UTRN: variants seen among roughly 807,000 people sequenced by gnomAD.
UTRN encodes the protein dystrophin-related protein 1.
UTRN carries 283 observed loss-of-function variants against 463.9 expected under a neutral mutation model. That is an observed-to-expected ratio of 0.61 (90% confidence interval 0.55 to 0.67). The LOEUF (loss-of-function observed/expected upper bound fraction) is 0.67. Ranked by LOEUF, UTRN falls within the 30% of genes least tolerant of loss-of-function variation. The pLI is 0.00. For missense variants in UTRN, 3,922 were observed against 4,084.3 expected (o/e 0.96, Z 1.08); for synonymous variants, 1,442 against 1,431.5 (o/e 1.01, Z -0.17).
chr6:144,327,458 T>C (rs1451758169), intron 2 of UTRN, among the ~76,000 whole-genome samples: 1 of 152,206 alleles, frequency 6.6e-6, no homozygotes, highest in Non-Finnish European at 1.5e-5. Flanking sequence ...TCTCTGAGCC[T>C]GTTTTCTGCT....
At chr6:144,457,707 T>C (rs1789001926) in intron 19 of UTRN, among the ~76,000 whole-genome samples, 1 of 152,226 alleles carries the variant, frequency 6.6e-6, no homozygotes, top group Non-Finnish European at 1.5e-5. Flanking sequence ...CCCTCATTTA[T>C]GATTTTCAGT....
At chr6:144,438,698 C>T (rs763908057) in intron 11 of UTRN, 47 bp from the exon 12 acceptor site, 1 of 1,604,166 alleles carries the variant, frequency 6.2e-7, no homozygotes, top group African/African-American at 1.3e-5. Flanking sequence ...TTTGACTTTG[C>T]AAAGGGAAAA....
intron 2 of UTRN, among the ~76,000 whole-genome samples, chr6:144,389,059 AG>A (rs1407018485): frequency 2.0e-5 from 3 of 152,184 alleles, no homozygotes; most frequent in African/African-American, 7.2e-5. Context: ...TATGTTCCCA[AG>A]GTGGTCAGAG....
In UTRN at chr6:144,474,704, G is replaced by A. The variant is rs1285724392; in HGVS notation, c.3281G>A (p.Trp1094Ter). The change falls in exon 25 of 75, where the codon TGG becomes TAG. Residue 1094 changes from tryptophan to a stop codon, truncating the protein, a stop_gained. Transcript: ENST00000367545. LOFTEE classifies it high-confidence loss of function. ...RSGPVAGIKTWVQTRLGDYQT... is the reference protein window; with the variant it reads ...RSGPVAGIKT ...GGTCCAGTTGCTGGAATAAAAACTT[G>A]GGTGCAGACAAGACTAGGTGACTAC... is the stretch of plus-strand genomic sequence containing the variant. 1 of 1,614,038 alleles carries A rather than the reference G, an allele frequency of 6.2e-7. No homozygotes were observed. The highest frequency in any genetic ancestry group is 8.5e-7 in the Non-Finnish European group (1 of 1,179,984).
chr6:144,774,372 A>T lies in UTRN; in HGVS notation c.8632+8A>T. 1.3e-6 allele frequency: 2 copies of T among 1,572,280 alleles called. No individual in the cohort carries two copies. The highest frequency in any genetic ancestry group is 1.7e-6 in the Non-Finnish European group (2 of 1,167,034). On this transcript the variant is annotated splice_region_variant and intron_variant, in intron 60 of 74. Coordinates refer to ENST00000367545, the MANE Select transcript of UTRN (RefSeq NM_007124.3). ...TACAAAAAGCACTATGTTGTGAGTT[A>T]TTCTACCAAAGTTAATCAATCTGTT...
At chr6:144,770,988 T>C (rs1793941819) in intron 58 of UTRN, among the ~76,000 whole-genome samples, 1 of 152,182 alleles carries the variant, frequency 6.6e-6, no homozygotes, top group African/African-American at 2.4e-5. Context: ...GTTAAACTTG[T>C]TTCTGCAATC....
chr6:144,851,390 C>T lies in UTRN; in HGVS notation c.*393C>T, dbSNP rs1206606674. ...ACATAAGAATTAGAAGACCACTTTA[C>T]ATTTTTACATTCCTTCTGCTGTTCA... On this transcript the variant is annotated 3_prime_UTR_variant, in exon 75 of 75. Transcript: ENST00000367545. 1 of 184,122 alleles carries T rather than the reference C, an allele frequency of 5.4e-6. No individual in the cohort carries two copies. Among genetic ancestry groups the T allele is most frequent in the Non-Finnish European group, 1.1e-5 (1 of 87,662 alleles). The allele number at this position is 184,122 out of a possible 1,614,324, so 11.4% of individuals were successfully genotyped here. A position where few individuals can be genotyped will look rare whatever the true frequency, so the allele number is the denominator to read the frequency against.
intron 2 of UTRN, chr6:144,331,148 C>T (rs1401578818): frequency 3.0e-5 from 17 of 570,038 alleles, no homozygotes; most frequent in Non-Finnish European, 3.5e-5. Context: ...ATTATTTTGT[C>T]CTCTGGGTGA....
At chr6:144,620,692 T>A (rs979939019) in intron 51 of UTRN, among the ~76,000 whole-genome samples, 7 of 152,166 alleles carry the variant, frequency 4.6e-5, no homozygotes, top group African/African-American at 1.7e-4. Flanking sequence ...CTCTGGGGAT[T>A]TACCTGTTAT....
intron 33 of UTRN, among the ~76,000 whole-genome samples, chr6:144,497,077 T>C (rs1793721211): frequency 6.6e-6 from 1 of 152,154 alleles, no homozygotes; most frequent in Non-Finnish European, 1.5e-5. Flanking sequence ...CTGCACAGGT[T>C]TTAGTAGGCA....
chr6:144,719,901 G>C (rs1343845111), intron 53 of UTRN, among the ~76,000 whole-genome samples: 2 of 152,226 alleles, frequency 1.3e-5, no homozygotes, highest in Non-Finnish European at 1.5e-5. Context: ...TTGATACACG[G>C]ACAATTTGGA....
chr6:144,689,751 T>C (rs772860327), intron 52 of UTRN, among the ~76,000 whole-genome samples: 2 of 152,150 alleles, frequency 1.3e-5, no homozygotes, highest in African/African-American at 2.4e-5. Flanking sequence ...ATAGCCTTAG[T>C]GTGTTGGCTT....
At chr6:144,395,559 A>T (rs1009287993) in intron 2 of UTRN, among the ~76,000 whole-genome samples, 1 of 152,184 alleles carries the variant, frequency 6.6e-6, no homozygotes, top group Non-Finnish European at 1.5e-5. Context: ...TGCATTGTTT[A>T]AAAAAACTTG....
rs374636023 is a variant in UTRN at position 144,429,647 on chromosome 6, T to A, written c.761T>A (p.Leu254Gln). The A allele has an allele frequency of 6.2e-7, 1 of 1,612,690 alleles. No individual in the cohort carries two copies. The highest frequency in any genetic ancestry group is 8.5e-7 in the Non-Finnish European group (1 of 1,179,320). Residue 254 changes from leucine (L) to glutamine (Q), a missense_variant, in exon 9 of 75, where the codon CTA becomes CAA. This residue lies in a region of UTRN where 264 missense variants were observed against 327.9 expected (regional missense o/e 0.81). Coordinates refer to ENST00000367545, the MANE Select transcript of UTRN (RefSeq NM_007124.3). ...TATTTAACATCTTTGTTTGAGGTGC[T>A]ACCTCAGCAAGTCACCATAGACGCC... ...IMYLTSLFEV[L>Q]PQQVTIDAIR...
intron 41 of UTRN, among the ~76,000 whole-genome samples, chr6:144,527,273 C>T (rs909251622): frequency 2.0e-5 from 3 of 152,186 alleles, no homozygotes; most frequent in African/African-American, 7.2e-5. Context: ...TCACTGGATA[C>T]AAAATTCCTG....
intron 2 of UTRN, among the ~76,000 whole-genome samples, chr6:144,374,322 G>A (rs1471487387): frequency 6.6e-6 from 1 of 152,034 alleles, no homozygotes; most frequent in Non-Finnish European, 1.5e-5. Flanking sequence ...AATCAGTAGA[G>A]ACAAAAAGAG....
At chr6:144,500,525 A>G (rs769197669) in intron 34 of UTRN, among the ~76,000 whole-genome samples, 1 of 152,194 alleles carries the variant, frequency 6.6e-6, no homozygotes, top group Non-Finnish European at 1.5e-5. Flanking sequence ...TTCATGGATC[A>G]TCAAGGCCTT....
At chr6:144,290,995 C>T (rs906889913) in intron 1 of UTRN, among the ~76,000 whole-genome samples, 2 of 150,662 alleles carry the variant, frequency 1.3e-5, no homozygotes, top group Admixed American at 6.6e-5. Context: ...AGGCTGGTCT[C>T]GAACTCCTGA....
chr6:144,590,219 A>G (rs1235014322), intron 51 of UTRN, among the ~76,000 whole-genome samples: 21 of 152,172 alleles, frequency 1.4e-4, no homozygotes, highest in Non-Finnish European at 2.9e-5. Flanking sequence ...TCGATGTTCG[A>G]TGTTCAAGTA....
Sources: gnomAD v4.1 joint callset for allele counts (sites outside exome capture counted in the v4.1 genomes callset) on GRCh38, gnomAD v4.1.1 for gene constraint, gnomAD v4.1.1 regional missense constraint, MANE v1.5 for transcripts, NCBI Gene and HGNC (gene_info 2026-07-23, HGNC 2026-07-21) for gene names.